The following CAB39 variants were observed in gnomAD, a reference collection of about 807,000 sequenced individuals.
CAB39 encodes calcium-binding protein 39.
Under a neutral mutation model 40.0 loss-of-function variants are expected in CAB39, and 8 were observed. The observed-to-expected ratio is 0.20, with a 90% CI of 0.12 to 0.36. The LOEUF is 0.36. Among genes scored for constraint, CAB39 ranks in the 10% least tolerant of loss-of-function variants. CAB39 has a pLI of 1.00. For synonymous variants in CAB39, 156 were observed against 141.6 expected (o/e 1.10, Z -0.72); for missense variants, 270 against 401.1 (o/e 0.67, Z 2.79).
intron 2 of CAB39, among the ~76,000 whole-genome samples, chr2:230,783,442 AGTTTT>A (rs57684093): frequency 0.12 from 17,821 of 148,890 alleles, 2,574 homozygotes; most frequent in African/African-American, 0.35. Flanking sequence ...GTTCTTGTCT[AGTTTT>A]GTTTTGTTTT....
chr2:230,793,174 T>G (rs757167163), intron 3 of CAB39, 39 bp from the exon 4 acceptor site: 2 of 1,163,056 alleles, frequency 1.7e-6, no homozygotes, highest in Non-Finnish European at 2.6e-6. Context: ...ATTTTGATGT[T>G]TGGTCAGGAA....
At chr2:230,746,133 G>A (rs1694971988) in intron 1 of CAB39, among the ~76,000 whole-genome samples, 1 of 152,128 alleles carries the variant, frequency 6.6e-6, no homozygotes, top group Non-Finnish European at 1.5e-5. Flanking sequence ...TGATTTATGT[G>A]TAAGATGACA....
intron 2 of CAB39, among the ~76,000 whole-genome samples, chr2:230,771,446 A>G (rs1695481850): frequency 6.6e-6 from 1 of 152,228 alleles, no homozygotes; most frequent in Non-Finnish European, 1.5e-5. Context: ...AAAGAGTTGT[A>G]CACTGAAACC....
chr2:230,748,831 A>ATATATATAT (rs1553669220), intron 1 of CAB39, among the ~76,000 whole-genome samples: 36 of 28,462 alleles, frequency 1.3e-3, no homozygotes, highest in Non-Finnish European at 1.8e-3. Flanking sequence ...AAAAAAAAAA[A>ATATATATAT]ATATATATAT....
intron 6 of CAB39, among the ~76,000 whole-genome samples, chr2:230,812,455 A>G (rs185691993): frequency 6.6e-6 from 1 of 152,374 alleles, no homozygotes; most frequent in Non-Finnish European, 1.5e-5. Context: ...GGCCACATAC[A>G]TACTTTTCAG....
At position 230,818,749 on chromosome 2, in the gene CAB39, T is replaced by C; in HGVS notation, c.*45T>C. On this transcript the variant is annotated 3_prime_UTR_variant, in exon 9 of 9. Transcript: ENST00000258418. ...TTAAATCCAAATTCAGCATTTGCTG[T>C]TAGCTATTCAGCATCAGGCACTCTT... is the stretch of plus-strand genomic sequence containing the variant. 6.8e-7 allele frequency: 1 copy of C among 1,480,964 alleles called. No homozygotes were observed. The highest frequency in any genetic ancestry group is 9.4e-7 in the Non-Finnish European group (1 of 1,066,348). The allele number at this position is 1,480,964 out of a possible 1,614,324, so 91.7% of individuals were successfully genotyped here. A position where few individuals can be genotyped will look rare whatever the true frequency, so the allele number is the denominator to read the frequency against.
chr2:230,743,871 ATTAGAAC>A lies in CAB39; in HGVS notation c.-43-16081_-43-16075del, dbSNP rs375844536. ...TGTATGTGTGTGTATATATATGGTT[ATTAGAAC>A]TTAGAAGAATAAAGTCACAGAGCTC... On this transcript the variant is annotated intron_variant, in intron 1 of 8. Transcript: ENST00000258418. 2.0e-5 allele frequency among the ~76,000 whole-genome samples: 3 copies of A among 151,122 alleles called. No homozygotes were observed. In the East Asian group the frequency reaches 5.8e-4, roughly 29 times the overall value.
At chr2:230,815,347 G>A (rs1430736122) in intron 7 of CAB39, among the ~76,000 whole-genome samples, 2 of 152,172 alleles carry the variant, frequency 1.3e-5, no homozygotes, top group African/African-American at 4.8e-5. Flanking sequence ...ATCTTTGGGG[G>A]GTTGGACAGA....
chr2:230,780,580 T>C (rs1695669726), intron 2 of CAB39, among the ~76,000 whole-genome samples: 1 of 152,188 alleles, frequency 6.6e-6, no homozygotes, highest in Admixed American at 6.5e-5. Flanking sequence ...TTTTATAGAG[T>C]GTCCCTTGAT....
intron 1 of CAB39, among the ~76,000 whole-genome samples, chr2:230,722,305 A>G (rs985959158): frequency 2.6e-5 from 4 of 152,120 alleles, no homozygotes; most frequent in African/African-American, 7.2e-5. Context: ...ATACCATACA[A>G]ACTTTCATTT....
chr2:230,813,523 G>C (rs1696340963), intron 6 of CAB39, among the ~76,000 whole-genome samples: 2 of 152,118 alleles, frequency 1.3e-5, no homozygotes, highest in Non-Finnish European at 2.9e-5. Flanking sequence ...ACACAATGCT[G>C]AATTTCTCCT....
In CAB39 at chr2:230,819,378, G is replaced by A. The variant is rs1265343685; in HGVS notation, c.*674G>A. 6.6e-6 allele frequency: 1 copy of A among 152,616 alleles called. No individual in the cohort carries two copies. The highest frequency in any genetic ancestry group is 2.4e-5 in the African/African-American group (1 of 41,428). The allele number at this position is 152,616 out of a possible 1,614,324, so 9.5% of individuals were successfully genotyped here. On this transcript the variant is annotated 3_prime_UTR_variant, in exon 9 of 9. Coordinates refer to ENST00000258418, the MANE Select transcript of CAB39 (RefSeq NM_016289.4). ...CTTGTAAACCTGGATATGTTGAAGG[G>A]TATTTGTTAATTTTACTTTTCAAAG...
At chr2:230,731,435 C>G (rs999964440) in intron 1 of CAB39, among the ~76,000 whole-genome samples, 2 of 152,120 alleles carry the variant, frequency 1.3e-5, no homozygotes, top group African/African-American at 4.8e-5. Flanking sequence ...CTTAAAAAAT[C>G]TAGCTGTTTT....
At chr2:230,754,076 C>G (rs1384453765) in intron 1 of CAB39, among the ~76,000 whole-genome samples, 1 of 152,196 alleles carries the variant, frequency 6.6e-6, no homozygotes, top group African/African-American at 2.4e-5. Flanking sequence ...CCTCTAGGAT[C>G]AAGGCCAGAG....
rs1408855516 is a variant in CAB39 at position 230,810,439 on chromosome 2, A to G, written c.627+117A>G. The G allele has an allele frequency of 6.7e-6, 3 of 448,700 alleles. No homozygotes were observed. The East Asian group carries it at 1.1e-4, about 16-fold the overall frequency. 27.8% of individuals were successfully genotyped at this position (448,700 alleles called of 1,614,324 possible). On this transcript the variant is annotated intron_variant, in intron 6 of 8. Coordinates refer to ENST00000258418, the MANE Select transcript of CAB39 (RefSeq NM_016289.4). ...TTATTTTGCATATGTAATGTTTATA[A>G]ATGGTGCCGTAGTTATTTCTCTACT... is the stretch of plus-strand genomic sequence containing the variant.
At chr2:230,716,641 A>G (rs112697499) in intron 1 of CAB39, among the ~76,000 whole-genome samples, 44 of 152,320 alleles carry the variant, frequency 2.9e-4, no homozygotes, top group Non-Finnish European at 5.4e-4. Flanking sequence ...GGCTTATGCC[A>G]TCCTCCTGCC....
At chr2:230,723,086 A>G (rs1694485155) in intron 1 of CAB39, among the ~76,000 whole-genome samples, 1 of 152,188 alleles carries the variant, frequency 6.6e-6, no homozygotes, top group African/African-American at 2.4e-5. Flanking sequence ...TTAAATACAA[A>G]TATGTTCATA....
intron 1 of CAB39, among the ~76,000 whole-genome samples, chr2:230,733,428 C>T (rs952576915): frequency 6.6e-6 from 1 of 152,186 alleles, no homozygotes; most frequent in African/African-American, 2.4e-5. Context: ...AGCATTCCTT[C>T]CTTGAAACTA....
chr2:230,759,811 A>G, intron 1 of CAB39, 148 bp from the exon 2 acceptor site: 1 of 445,798 alleles, frequency 2.2e-6, no homozygotes, highest in Non-Finnish European at 4.1e-6. Flanking sequence ...TCTTGCATAT[A>G]TTTGTGGATT....
Sources: gnomAD v4.1 joint callset for allele counts (sites outside exome capture counted in the v4.1 genomes callset) on GRCh38, gnomAD v4.1.1 for gene constraint, MANE v1.5 for transcripts, NCBI Gene and HGNC (gene_info 2026-07-23, HGNC 2026-07-21) for gene names.